Variants in NALF1 observed in about 807,000 individuals in gnomAD.
The protein encoded by NALF1 is NALCN channel auxiliary factor 1.
A neutral mutation model predicts 48.4 loss-of-function variants in NALF1; 3 were observed. The ratio of observed to expected loss-of-function variants is 0.06; its 90% CI spans 0.03 to 0.16. The LOEUF (loss-of-function observed/expected upper bound fraction) is 0.16, where lower values mean the gene tolerates loss of function less well. NALF1 is among the 10% of genes least tolerant of loss of function. The pLI is 1.00. For missense variants in NALF1, 526 were observed against 571.5 expected (o/e 0.92, Z 0.81); for synonymous variants, 262 against 245.7 (o/e 1.07, Z -0.62).
intron 1 of NALF1, among the ~76,000 whole-genome samples, chr13:107,824,591 T>C (rs1879457067): frequency 6.6e-6 from 1 of 152,194 alleles, no homozygotes; most frequent in African/African-American, 2.4e-5. Context: ...TTCTGGCCTG[T>C]ACTAATCCAG....
chr13:107,490,110 G>A lies in NALF1; in HGVS notation c.916-279355C>T, dbSNP rs573508435. Among the ~76,000 whole-genome samples the A allele has an allele frequency of 1.6e-4, 25 of 152,236 alleles. No homozygotes were observed. The South Asian group carries it at 3.1e-3, about 19-fold the overall frequency. On this transcript the variant is annotated intron_variant, in intron 1 of 2. Coordinates refer to ENST00000375915, the MANE Select transcript of NALF1 (RefSeq NM_001080396.3). ...GGCAAGGTTGTGGAGAAAAAGGAACGCTTATACACAGTTGATGGGAGAGTA... is the reference window on the plus strand; with the variant it reads ...GGCAAGGTTGTGGAGAAAAAGGAACACTTATACACAGTTGATGGGAGAGTA...
At chr13:107,625,866 G>A (rs1052928778) in intron 1 of NALF1, among the ~76,000 whole-genome samples, 1 of 151,960 alleles carries the variant, frequency 6.6e-6, no homozygotes, top group Admixed American at 6.6e-5. Flanking sequence ...AGGTTGTTCG[G>A]GCAATGTAGA....
chr13:107,491,092 A>G (rs919595645), intron 1 of NALF1, among the ~76,000 whole-genome samples: 3 of 152,206 alleles, frequency 2.0e-5, no homozygotes, highest in Non-Finnish European at 4.4e-5. Context: ...TTTCAAGAAG[A>G]CAGAAAACAT....
At chr13:107,253,303 C>G (rs1358585277) in intron 1 of NALF1, among the ~76,000 whole-genome samples, 1 of 151,918 alleles carries the variant, frequency 6.6e-6, no homozygotes. Context: ...TACAAAGTAA[C>G]AAGCTAGATG....
At chr13:107,325,275 A>G (rs183907670) in intron 1 of NALF1, among the ~76,000 whole-genome samples, 1 of 152,250 alleles carries the variant, frequency 6.6e-6, no homozygotes, top group Non-Finnish European at 1.5e-5. Context: ...AAAATCATAT[A>G]ATGGCCTGAA....
At chr13:107,572,183 T>C (rs755162961) in intron 1 of NALF1, among the ~76,000 whole-genome samples, 1 of 151,220 alleles carries the variant, frequency 6.6e-6, no homozygotes, top group Non-Finnish European at 1.5e-5. Context: ...AAAATTGCAT[T>C]TATGGGAAAT....
chr13:107,668,247 T>C (rs1373501759), intron 1 of NALF1, among the ~76,000 whole-genome samples: 1 of 152,036 alleles, frequency 6.6e-6, no homozygotes, highest in Non-Finnish European at 1.5e-5. Context: ...GATGGGAAAA[T>C]AGTATGTAAT....
intron 1 of NALF1, among the ~76,000 whole-genome samples, chr13:107,842,953 A>G (rs931077332): frequency 1.9e-4 from 29 of 152,138 alleles, no homozygotes; most frequent in Admixed American, 1.3e-4. Context: ...CTCCTCAATA[A>G]GAGGATCATC....
chr13:107,325,855 C>CATAT (rs1228535140), intron 1 of NALF1, among the ~76,000 whole-genome samples: 703 of 53,982 alleles, frequency 0.013, 11 homozygotes, highest in Non-Finnish European at 0.018. Flanking sequence ...CACACACACA[C>CATAT]ATATATATAT....
At chr13:107,505,600 C>T (rs533282403) in intron 1 of NALF1, among the ~76,000 whole-genome samples, 11 of 151,996 alleles carry the variant, frequency 7.2e-5, no homozygotes, top group African/African-American at 1.2e-4. Context: ...GCCTGACAAC[C>T]GGGAATGAGG....
intron 1 of NALF1, among the ~76,000 whole-genome samples, chr13:107,440,251 T>C (rs886520887): frequency 6.6e-6 from 1 of 152,172 alleles, no homozygotes; most frequent in Non-Finnish European, 1.5e-5. Flanking sequence ...TGTACTTATC[T>C]GAGTTGAGGA....
At chr13:107,248,196 G>A (rs1400260971) in intron 1 of NALF1, among the ~76,000 whole-genome samples, 1 of 151,846 alleles carries the variant, frequency 6.6e-6, no homozygotes, top group African/African-American at 2.4e-5. Flanking sequence ...GTTCTTTAGA[G>A]GGAACAGCAA....
At chr13:107,745,527 A>C (rs1050877290) in intron 1 of NALF1, among the ~76,000 whole-genome samples, 3 of 152,214 alleles carry the variant, frequency 2.0e-5, no homozygotes, top group Non-Finnish European at 4.4e-5. Flanking sequence ...TGGGGTTTAC[A>C]CAGATAAATA....
intron 1 of NALF1, among the ~76,000 whole-genome samples, chr13:107,255,647 C>CATGAT (rs1880798920): frequency 6.6e-6 from 1 of 152,202 alleles, no homozygotes; most frequent in African/African-American, 2.4e-5. Context: ...ATGTTCTCAA[C>CATGAT]ATATACCAAG....
intron 2 of NALF1, among the ~76,000 whole-genome samples, chr13:107,209,898 TTA>T (rs1268659842): frequency 1.3e-5 from 2 of 152,196 alleles, no homozygotes; most frequent in Non-Finnish European, 2.9e-5. Flanking sequence ...AATTATCTTT[TTA>T]TTTTTTAAAA....
chr13:107,624,797 T>A (rs2138443623), intron 1 of NALF1, among the ~76,000 whole-genome samples: 1 of 152,318 alleles, frequency 6.6e-6, no homozygotes, highest in Admixed American at 6.5e-5. Flanking sequence ...CAGCAAGGAA[T>A]AATGGTTGCT....
At chr13:107,201,005 C>T (rs1879501857) in intron 2 of NALF1, among the ~76,000 whole-genome samples, 2 of 152,240 alleles carry the variant, frequency 1.3e-5, no homozygotes, top group East Asian at 3.9e-4. Flanking sequence ...GTGAAATTGC[C>T]TATTTACCAC....
intron 1 of NALF1, among the ~76,000 whole-genome samples, chr13:107,591,553 A>C (rs1381682353): frequency 6.6e-6 from 1 of 151,992 alleles, no homozygotes; most frequent in Non-Finnish European, 1.5e-5. Context: ...TATGGGGTTG[A>C]CTTTGCCTCC....
intron 1 of NALF1, among the ~76,000 whole-genome samples, chr13:107,533,981 A>T (rs1876722734): frequency 6.6e-6 from 1 of 152,106 alleles, no homozygotes; most frequent in African/African-American, 2.4e-5. Context: ...GGGACCAAAT[A>T]TCCTGCAAAG....
Sources: allele counts gnomAD v4.1 joint callset (sites outside exome capture counted in the v4.1 genomes callset), GRCh38; gene constraint gnomAD v4.1.1; transcripts MANE v1.5; gene names NCBI Gene and HGNC (gene_info 2026-07-23, HGNC 2026-07-21).